IL5RA: variants seen among roughly 807,000 people sequenced by gnomAD.
IL5RA encodes interleukin-5 receptor subunit alpha.
In IL5RA, 49 loss-of-function variants were observed where a neutral mutation model predicts 50.0. That is an observed-to-expected ratio of 0.98 (90% CI 0.78 to 1.24). The LOEUF (loss-of-function observed/expected upper bound fraction) is 1.24, where lower values mean the gene tolerates loss of function less well. IL5RA is among the 50% of genes most tolerant of loss of function. The pLI is 0.00. For synonymous variants in IL5RA, 202 were observed against 174.0 expected, an observed-to-expected ratio of 1.16 and a Z score of -1.26; for missense variants, 600 against 500.4, an observed-to-expected ratio of 1.20 and a Z score of -1.90.
At chr3:3,090,222 G>A (rs2125969239) in intron 9 of IL5RA, 2 of 1,610,236 alleles carry the variant, frequency 1.2e-6, no homozygotes, top group Non-Finnish European at 1.7e-6. Flanking sequence ...TGTGGGGCAG[G>A]AAAGCTGGAT....
At chr3:3,078,146 G>A (rs962852849) in intron 9 of IL5RA, among the ~76,000 whole-genome samples, 6 of 152,128 alleles carry the variant, frequency 3.9e-5, no homozygotes, top group South Asian at 2.1e-4. Context: ...CAACCACACC[G>A]CACCAGGAGA....
At chr3:3,090,909 T>C (rs963722234) in intron 9 of IL5RA, among the ~76,000 whole-genome samples, 1 of 152,132 alleles carries the variant, frequency 6.6e-6, no homozygotes, top group African/African-American at 2.4e-5. Flanking sequence ...CAAGGTGCAA[T>C]ACCACATGTC....
At chr3:3,106,057 A>G (rs930843176) in intron 2 of IL5RA, among the ~76,000 whole-genome samples, 2 of 152,308 alleles carry the variant, frequency 1.3e-5, no homozygotes, top group Non-Finnish European at 1.5e-5. Flanking sequence ...AATCCCTTCC[A>G]TGGACGTTAT....
chr3:3,071,334 A>T (rs1463105718), intron 11 of IL5RA, among the ~76,000 whole-genome samples: 3 of 152,188 alleles, frequency 2.0e-5, no homozygotes, highest in Admixed American at 6.5e-5. Flanking sequence ...TCATAAATTG[A>T]AAGCTCAGGC....
chr3:3,108,237 C>T, intron 2 of IL5RA, among the ~76,000 whole-genome samples: 1 of 152,052 alleles, frequency 6.6e-6, no homozygotes, highest in East Asian at 1.9e-4. Flanking sequence ...TTGCATTACC[C>T]CCCAATGAAA....
rs1702226623 is a variant in IL5RA at position 3,069,542 on chromosome 3, T to C, written c.*683A>G. The C allele has an allele frequency of 6.6e-6, 1 of 152,174 alleles. No homozygotes were observed. Among genetic ancestry groups the C allele is most frequent in the Non-Finnish European group, 1.5e-5 (1 of 68,038 alleles). The allele number at this position is 152,174 out of a possible 1,614,324, so 9.4% of individuals were successfully genotyped here. On this transcript the variant is annotated 3_prime_UTR_variant, in exon 12 of 12. Coordinates refer to ENST00000446632, the MANE Select transcript of IL5RA (RefSeq NM_175726.4). ...ACAAAATCTGTCGTCTCTTTTGATA[T>C]GGGGTGATATATTAGCTCTATTATG...
At chr3:3,101,108 G>A (rs1323548435) in intron 5 of IL5RA, among the ~76,000 whole-genome samples, 3 of 151,610 alleles carry the variant, frequency 2.0e-5, no homozygotes, top group African/African-American at 7.3e-5. Flanking sequence ...GAACCCAGGA[G>A]GCAGAGGTTG....
chr3:3,108,742 GTGAAACCTAACAGAGGAA>G (rs1397931922), intron 1 of IL5RA, 51 bp from the exon 2 acceptor site: 1 of 152,226 alleles, frequency 6.6e-6, no homozygotes, highest in Non-Finnish European at 1.5e-5. Context: ...GCAATGTGCG[GTGAAACCTAACAGAGGAA>G]TGAGTTAGGT....
chr3:3,103,507 GT>G (rs1703754405), intron 3 of IL5RA, among the ~76,000 whole-genome samples: 1 of 152,128 alleles, frequency 6.6e-6, no homozygotes, highest in Non-Finnish European at 1.5e-5. Context: ...ATGTGTGCTG[GT>G]ACATAATGTA....
Position 3,105,005 on chromosome 3 carries a change from G to C in IL5RA, c.-3-18C>G. On this transcript the variant is annotated intron_variant, in intron 2 of 11. Coordinates refer to ENST00000446632, the MANE Select transcript of IL5RA (RefSeq NM_175726.4). ...ATCATATCCTACAGAAAACAAGGGA[G>C]ATACCAAAATCATCTTGTTGCTATT... is the stretch of plus-strand genomic sequence containing the variant. 1.3e-6 allele frequency: 2 copies of C among 1,512,472 alleles called. No homozygotes were observed. 93.7% of individuals were successfully genotyped at this position (1,512,472 alleles called of 1,614,324 possible). A position where few individuals can be genotyped will look rare whatever the true frequency, so the allele number is the denominator to read the frequency against.
rs1702229401 is a variant in IL5RA at position 3,069,630 on chromosome 3, T to TCTCTCTC, written c.*594_*595insGAGAGAG. On this transcript the variant is annotated 3_prime_UTR_variant, in exon 12 of 12. Transcript: ENST00000446632. ...TCAGGCCTCTGGAGCTTGAGATAAT[T>TCTCTCTC]TCTCTCTCTCTCTCTCTCTCTCTCT... The TCTCTCTC allele has an allele frequency of 6.8e-6, 1 of 147,000 alleles. No homozygotes were observed. Among genetic ancestry groups the TCTCTCTC allele is most frequent in the African/African-American group, 2.5e-5 (1 of 39,230 alleles). 9.1% of individuals were successfully genotyped at this position (147,000 alleles called of 1,614,324 possible). A position where few individuals can be genotyped will look rare whatever the true frequency, so the allele number is the denominator to read the frequency against.
intron 9 of IL5RA, among the ~76,000 whole-genome samples, chr3:3,082,735 G>T (rs1347820823): frequency 1.3e-5 from 2 of 152,172 alleles, no homozygotes; most frequent in Non-Finnish European, 2.9e-5. Context: ...CTCTGCCTCT[G>T]GGAGCTTTGT....
intron 11 of IL5RA, among the ~76,000 whole-genome samples, chr3:3,072,196 A>C (rs547977458): frequency 1.3e-5 from 2 of 152,360 alleles, no homozygotes; most frequent in South Asian, 4.1e-4. Flanking sequence ...GCAGCTCTGC[A>C]CTGGCTCTCA....
rs1703306379 is a variant in IL5RA at position 3,095,311 on chromosome 3, A to G, written c.843T>C (p.Asn281=). ...TCTGAGTAATTACCTGCAAATATCC[A>G]TTCCTTGTATTGTGTATTTTTACTT... ...DYEVKIHNTR[N]GYLQIEKLMT... The change falls in exon 8 of 12, where the codon AAT becomes AAC. Residue 281 remains asparagine, a synonymous_variant. Coordinates refer to ENST00000446632, the MANE Select transcript of IL5RA (RefSeq NM_175726.4). 3 of 1,593,634 alleles carry G rather than the reference A, an allele frequency of 1.9e-6. No individual in the cohort carries two copies. The highest frequency in any genetic ancestry group is 2.6e-6 in the Non-Finnish European group (3 of 1,166,348).
chr3:3,078,401 G>C (rs1382442468), intron 9 of IL5RA, among the ~76,000 whole-genome samples: 1 of 152,150 alleles, frequency 6.6e-6, no homozygotes, highest in Non-Finnish European at 1.5e-5. Flanking sequence ...CCTCCCGAAA[G>C]TTTTAATCTC....
At chr3:3,106,777 T>C (rs1305840571) in intron 2 of IL5RA, among the ~76,000 whole-genome samples, 1 of 152,162 alleles carries the variant, frequency 6.6e-6, no homozygotes, top group African/African-American at 2.4e-5. Context: ...CCTGAAATAA[T>C]ATTAAATATG....
intron 9 of IL5RA, among the ~76,000 whole-genome samples, chr3:3,087,669 T>C (rs1178823473): frequency 6.6e-6 from 1 of 151,864 alleles, no homozygotes; most frequent in East Asian, 1.9e-4. Context: ...AAAGGGTTGA[T>C]ATTTGAGTTG....
chr3:3,075,203 C>CTTTT lies in IL5RA; in HGVS notation c.1092-341_1092-338dup, dbSNP rs10642608. 1.4e-3 allele frequency among the ~76,000 whole-genome samples: 95 copies of CTTTT among 69,956 alleles called. 2 individuals are homozygous for CTTTT. Among genetic ancestry groups the CTTTT allele is most frequent in the African/African-American group, 3.0e-3 (50 of 16,654 alleles). 45.9% of individuals were successfully genotyped at this position (69,956 alleles called of 152,430 possible). On this transcript the variant is annotated intron_variant, in intron 10 of 11. Transcript: ENST00000446632. The stretch of plus-strand genomic sequence containing the variant: ...TATGTTTACTCACAGAGTTTACTTA[C>CTTTT]TTTTTTTTTTTTTTTTTTTTTTTTG...
Position 3,074,784 on chromosome 3 carries a change from C to G in IL5RA, c.1174G>C (p.Glu392Gln). Residue 392 changes from glutamate (E) to glutamine (Q), a missense_variant and splice_region_variant, in exon 11 of 12, where the codon GAG (glutamate) becomes CAG (glutamine). By Grantham distance (29) the Glu-to-Gln change is conservative (BLOSUM62 2). Transcript: ENST00000446632. ...ATCATAAGAACTTTCAACATTACCTCATAGTTAGTGGTTACAAAGAGATCT... is the reference window on the plus strand; with the variant it reads ...ATCATAAGAACTTTCAACATTACCTGATAGTTAGTGGTTACAAAGAGATCT... ...IKDLFVTTNYEKAGSSETEIE... is the reference protein window; with the variant it reads ...IKDLFVTTNYQKAGSSETEIE... The G allele has an allele frequency of 6.3e-7, 1 of 1,579,922 alleles. No individual in the cohort carries two copies. Among genetic ancestry groups the G allele is most frequent in the Non-Finnish European group, 8.7e-7 (1 of 1,148,876 alleles).
Sources: allele counts gnomAD v4.1 joint callset (sites outside exome capture counted in the v4.1 genomes callset), GRCh38; gene constraint gnomAD v4.1.1; transcripts MANE v1.5; gene names NCBI Gene and HGNC (gene_info 2026-07-23, HGNC 2026-07-21).